SLC22A23: variants seen among roughly 807,000 people sequenced by gnomAD.
SLC22A23 encodes the protein ion transporter protein.
Under a neutral mutation model 61.0 loss-of-function variants are expected in SLC22A23, and 26 were observed. That is an observed-to-expected ratio of 0.43 (90% CI 0.31 to 0.59). The LOEUF (loss-of-function observed/expected upper bound fraction) is 0.59, where lower values mean the gene tolerates loss of function less well. Ranked by LOEUF, SLC22A23 falls within the 20% of genes least tolerant of loss-of-function variation. The pLI is 0.11. For missense variants in SLC22A23, 796 were observed against 934.7 expected (o/e 0.85, Z 1.94); for synonymous variants, 430 against 413.9 (o/e 1.04, Z -0.47).
chr6:3,320,216 T>C (rs1482242947), intron 4 of SLC22A23, among the ~76,000 whole-genome samples: 1 of 152,178 alleles, frequency 6.6e-6, no homozygotes. Flanking sequence ...TCCCCTTCTT[T>C]CCCTGGAGCT....
At chr6:3,434,085 C>T (rs777651452) in intron 1 of SLC22A23, among the ~76,000 whole-genome samples, 3 of 152,046 alleles carry the variant, frequency 2.0e-5, no homozygotes, top group Admixed American at 6.5e-5. Flanking sequence ...GAGGCCGAGG[C>T]GATGGATCAC....
intron 3 of SLC22A23, among the ~76,000 whole-genome samples, chr6:3,340,643 GT>G (rs1386820657): frequency 6.6e-6 from 1 of 152,174 alleles, no homozygotes; most frequent in Non-Finnish European, 1.5e-5. Context: ...AAGGTCCCAT[GT>G]GAAAAAGCAG....
intron 3 of SLC22A23, among the ~76,000 whole-genome samples, chr6:3,405,122 G>A (rs1477670282): frequency 6.6e-6 from 1 of 152,088 alleles, no homozygotes; most frequent in East Asian, 1.9e-4. Flanking sequence ...TTAGTTGGAT[G>A]TGGTGGTGGG....
In SLC22A23 at chr6:3,410,152, A is replaced by T; in HGVS notation, c.913+36T>A. ...TCCCAGGCAACAATACTTTTGCTAA[A>T]TTCTTTCAAGACTAGTCGTGAAGGC... is the stretch of plus-strand genomic sequence containing the variant. On this transcript the variant is annotated intron_variant, in intron 3 of 9. Coordinates refer to ENST00000406686, the MANE Select transcript of SLC22A23 (RefSeq NM_015482.2). This position sits in a 1 kb window ranked among gnomAD's most constrained non-coding sequence, Gnocchi z 5.0. 6.3e-7 allele frequency: 1 copy of T among 1,577,640 alleles called. No homozygotes were observed. Among genetic ancestry groups the T allele is most frequent in the South Asian group, 1.2e-5 (1 of 85,030 alleles).
intron 3 of SLC22A23, among the ~76,000 whole-genome samples, chr6:3,381,939 T>C (rs1009432317): frequency 2.6e-5 from 4 of 152,072 alleles, no homozygotes; most frequent in Non-Finnish European, 2.9e-5. Context: ...CAGATTCCCA[T>C]CTGTCTGCCC....
At chr6:3,407,016 G>A (rs1768885715) in intron 3 of SLC22A23, among the ~76,000 whole-genome samples, 1 of 152,160 alleles carries the variant, frequency 6.6e-6, no homozygotes, top group Admixed American at 6.5e-5. Flanking sequence ...ACATTGCCAA[G>A]CACCTGCAAG....
intron 9 of SLC22A23, among the ~76,000 whole-genome samples, chr6:3,276,350 C>A (rs1347536758): frequency 6.6e-6 from 1 of 152,198 alleles, no homozygotes; most frequent in Non-Finnish European, 1.5e-5. Flanking sequence ...CTGTCCAGCC[C>A]ATGACCAAGT....
chr6:3,393,571 T>A (rs776692636), intron 3 of SLC22A23, among the ~76,000 whole-genome samples: 16 of 152,274 alleles, frequency 1.1e-4, no homozygotes, highest in Non-Finnish European at 1.0e-4. Flanking sequence ...AACTGTTGAT[T>A]ATGCTTGGTT....
intron 4 of SLC22A23, among the ~76,000 whole-genome samples, chr6:3,299,983 C>G (rs934636054): frequency 2.6e-4 from 38 of 143,892 alleles, no homozygotes; most frequent in African/African-American, 9.3e-4. Context: ...ACCTGCTTTG[C>G]AAGCTCAGGA....
chr6:3,453,175 A>G (rs2064974931), intron 1 of SLC22A23, among the ~76,000 whole-genome samples: 2 of 152,214 alleles, frequency 1.3e-5, no homozygotes, highest in Admixed American at 6.5e-5. Context: ...CACGTATGGA[A>G]TAGCTTAAGT....
chr6:3,288,958 A>ATGG (rs1760308376), intron 6 of SLC22A23, among the ~76,000 whole-genome samples: 2 of 152,378 alleles, frequency 1.3e-5, no homozygotes, highest in South Asian at 2.1e-4. Flanking sequence ...AGAAAAAGCC[A>ATGG]TGGGGGATGC....
chr6:3,298,864 C>T (rs971824378), intron 4 of SLC22A23, among the ~76,000 whole-genome samples: 17 of 150,604 alleles, frequency 1.1e-4, no homozygotes, highest in Admixed American at 7.9e-4. Flanking sequence ...CCCAGCTACT[C>T]GGGAGGCTGA....
intron 3 of SLC22A23, among the ~76,000 whole-genome samples, chr6:3,338,317 C>T (rs1763968885): frequency 6.6e-6 from 1 of 152,194 alleles, no homozygotes; most frequent in Non-Finnish European, 1.5e-5. Context: ...GGCCTTTTCT[C>T]CTGTTAATCT....
At chr6:3,335,224 G>T (rs1346425621) in intron 3 of SLC22A23, among the ~76,000 whole-genome samples, 1 of 152,220 alleles carries the variant, frequency 6.6e-6, no homozygotes, top group African/African-American at 2.4e-5. Context: ...GGTGGGAGCA[G>T]TAAGAGGTCT....
chr6:3,269,814 C>G lies in SLC22A23; in HGVS notation c.*3241G>C, dbSNP rs3813488. 131,080 of 152,864 alleles carry G rather than the reference C, an allele frequency of 0.86. 56,364 individuals are homozygous for G. The highest frequency in any genetic ancestry group is 0.87 in the Non-Finnish European group (59,247 of 68,034). The allele number at this position is 152,864 out of a possible 1,614,324, so 9.5% of individuals were successfully genotyped here. On this transcript the variant is annotated 3_prime_UTR_variant, in exon 10 of 10. Transcript: ENST00000406686. The stretch of plus-strand genomic sequence containing the variant: ...GATACCTCGGGCCGGGCGGTGTGAC[C>G]TCACAGGCCCACTTATGGCACTTGC...
Position 3,322,224 on chromosome 6 carries a change from T to C in SLC22A23, c.1082+1610A>G, listed in dbSNP as rs113113308. Among the ~76,000 whole-genome samples, 4,811 of 152,184 alleles carry C rather than the reference T, an allele frequency of 0.032. 273 individuals are homozygous for C. The highest frequency in any genetic ancestry group is 0.11 in the African/African-American group (4,463 of 41,492). ...ATATGAGGGTGGAACCATTTACTAT[T>C]GCAAAGTGCTTGTCGTCTGTGCCTG... is the stretch of plus-strand genomic sequence containing the variant. On this transcript the variant is annotated intron_variant, in intron 4 of 9. Transcript: ENST00000406686. The surrounding 1 kb of genome is among the most constrained non-coding windows in gnomAD (Gnocchi z 4.1).
At chr6:3,279,789 A>G (rs1443297793) in intron 9 of SLC22A23, among the ~76,000 whole-genome samples, 2 of 152,120 alleles carry the variant, frequency 1.3e-5, no homozygotes, top group African/African-American at 4.8e-5. Context: ...TTACGGACAG[A>G]GAACCGAGGG....
intron 3 of SLC22A23, among the ~76,000 whole-genome samples, chr6:3,391,227 G>A (rs1220007603): frequency 6.6e-6 from 1 of 152,220 alleles, no homozygotes; most frequent in Non-Finnish European, 1.5e-5. Context: ...CCAGCTCATG[G>A]AGACTTTATT....
chr6:3,453,368 G>T (rs1311505921), intron 1 of SLC22A23, among the ~76,000 whole-genome samples: 1 of 152,182 alleles, frequency 6.6e-6, no homozygotes, highest in Non-Finnish European at 1.5e-5. Flanking sequence ...TAGCTGCCTT[G>T]TTAACAAAGC....
Sources: gnomAD v4.1 joint callset for allele counts (sites outside exome capture counted in the v4.1 genomes callset) on GRCh38, gnomAD v4.1.1 for gene constraint, Gnocchi (gnomAD v3.1) non-coding constraint, MANE v1.5 for transcripts, NCBI Gene and HGNC (gene_info 2026-07-23, HGNC 2026-07-21) for gene names.